Variants in ZNF185 observed in about 807,000 individuals in gnomAD.
ZNF185 encodes the protein zinc finger protein 185.
A neutral mutation model predicts 58.6 loss-of-function variants in ZNF185; 56 were observed. The ratio of observed to expected loss-of-function variants is 0.95; its 90% CI spans 0.77 to 1.19. The LOEUF (loss-of-function observed/expected upper bound fraction) is 1.19, where lower values mean the gene tolerates loss of function less well. Among genes scored for constraint, ZNF185 ranks in the 50% most tolerant of loss-of-function variants. The pLI, the probability that ZNF185 is intolerant of heterozygous loss-of-function variation, is 0.00. For synonymous variants in ZNF185, 230 were observed against 215.9 expected (o/e 1.07, Z -0.57); for missense variants, 627 against 573.5 (o/e 1.09, Z -0.95).
chrX:152,919,100 T>C lies in ZNF185; in HGVS notation c.530+19T>C. 8.6e-7 allele frequency: 1 copy of C among 1,162,575 alleles called. No homozygotes were observed. The highest frequency in any genetic ancestry group is 1.2e-6 in the Non-Finnish European group (1 of 852,624). On this transcript the variant is annotated intron_variant, in intron 7 of 22. Transcript: ENST00000449285. ...AACGGAGGTAATGGAATGGTGCCTT[T>C]TGGGCATCCCGGGGGGCAGGGCAGG...
chrX:152,941,674 G>T (rs1241476217), intron 15 of ZNF185: 10 of 1,162,583 alleles, frequency 8.6e-6, no homozygotes, highest in Admixed American at 2.6e-5. Context: ...CGGTCGCAGT[G>T]CCCGCCGGGA....
chrX:152,946,835 G>A, intron 16 of ZNF185, among the ~76,000 whole-genome samples: 1 of 111,820 alleles, frequency 8.9e-6, no homozygotes, highest in East Asian at 2.8e-4. Context: ...GAAGCACCAA[G>A]TAGGGGCTGG....
chrX:152,903,320 T>C, the ZNF185 span, among the ~76,000 whole-genome samples: 2 of 81,876 alleles, frequency 2.4e-5, no homozygotes, highest in South Asian at 7.0e-4. Context: ...ACCTGGGAGG[T>C]GGAGGTTGCA....
At chrX:152,907,907 G>T in the ZNF185 span, among the ~76,000 whole-genome samples, 4 of 113,033 alleles carry the variant, frequency 3.5e-5, no homozygotes, top group African/African-American at 1.3e-4. Flanking sequence ...AATCAAGGTA[G>T]AAATGAGGGC....
rs147430915 is a variant in ZNF185 at position 152,939,734 on chromosome X, G to A, written c.1211+1571G>A. ...CAGCCAACTCTAGAGCCAGGCTCAC[G>A]CTACTTTCCTCTGATGTTTAAACGT... is the stretch of plus-strand genomic sequence containing the variant. On this transcript the variant is annotated intron_variant, in intron 15 of 22. Transcript: ENST00000449285. 9.6e-3 allele frequency among the ~76,000 whole-genome samples: 1,031 copies of A among 106,960 alleles called. 4 individuals are homozygous for A. Among genetic ancestry groups the A allele is most frequent in the Middle Eastern group, 0.054 (11 of 204 alleles). The allele number at this position is 106,960 out of a possible 115,157, so 92.9% of individuals were successfully genotyped here.
Position 152,971,265 on chromosome X carries a change from T to A in ZNF185, c.*1-9T>A, listed in dbSNP as rs1332278918. On this transcript the variant is annotated splice_polypyrimidine_tract_variant and intron_variant, in intron 22 of 22. Transcript: ENST00000449285. ...TTCCAGTCTCATGGCTACTTCTGTT[T>A]TCTTTTAGCGACCCCCCACCGCCAG... 3.6e-5 allele frequency: 4 copies of A among 110,907 alleles called. No individual in the cohort carries two copies. The East Asian group carries it at 1.1e-3, about 32-fold the overall frequency. The allele number at this position is 110,907 out of a possible 1,213,427, so 9.1% of individuals were successfully genotyped here. A position where few individuals can be genotyped will look rare whatever the true frequency, so the allele number is the denominator to read the frequency against.
the ZNF185 span, among the ~76,000 whole-genome samples, chrX:152,903,388 C>T: frequency 2.8e-5 from 1 of 35,857 alleles, no homozygotes; most frequent in South Asian, 4.4e-3. Flanking sequence ...AGACTCGTCT[C>T]AAAAAAAAAA....
intron 14 of ZNF185, among the ~76,000 whole-genome samples, chrX:152,935,906 T>C (rs2046225166): frequency 8.9e-6 from 1 of 111,947 alleles, no homozygotes; most frequent in Non-Finnish European, 1.9e-5. Flanking sequence ...GACTCCACCC[T>C]GAGAAGGTTG....
intron 15 of ZNF185, among the ~76,000 whole-genome samples, chrX:152,943,288 G>A (rs906571418): frequency 1.4e-4 from 16 of 111,783 alleles, no homozygotes; most frequent in African/African-American, 4.9e-4. Flanking sequence ...GAACCACTAC[G>A]CCGGGACTAC....
the ZNF185 span, among the ~76,000 whole-genome samples, chrX:152,898,932 G>C: frequency 8.9e-6 from 1 of 112,525 alleles, no homozygotes; most frequent in Non-Finnish European, 1.9e-5. Flanking sequence ...AGGTGCTCCT[G>C]CCTGATCTGC....
intron 3 of ZNF185, among the ~76,000 whole-genome samples, chrX:152,915,772 G>C (rs1427139711): frequency 8.9e-6 from 1 of 112,377 alleles, no homozygotes; most frequent in Non-Finnish European, 1.9e-5. Context: ...GTGTCTAGGG[G>C]GGCTCTGAAG....
At chrX:152,922,417 C>T (rs782416567) in intron 10 of ZNF185, among the ~76,000 whole-genome samples, 161 bp downstream of exon 11, 1 of 111,949 alleles carries the variant, frequency 8.9e-6, no homozygotes, top group East Asian at 2.8e-4. Flanking sequence ...AAGAGCCCAT[C>T]TGGCTGGATG....
At chrX:152,943,306 G>A (rs1314416484) in intron 15 of ZNF185, among the ~76,000 whole-genome samples, 2 of 112,098 alleles carry the variant, frequency 1.8e-5, no homozygotes, top group South Asian at 3.7e-4. Flanking sequence ...TACAATTTCC[G>A]TTTTTTAAAA....
At chrX:152,961,988 T>C (rs1450177111) in intron 17 of ZNF185, among the ~76,000 whole-genome samples, 2 of 111,875 alleles carry the variant, frequency 1.8e-5, no homozygotes, top group African/African-American at 6.5e-5. Flanking sequence ...AACCAGGTGC[T>C]CTGATGGAGA....
chrX:152,903,799 G>A, the ZNF185 span, among the ~76,000 whole-genome samples: 3 of 111,598 alleles, frequency 2.7e-5, no homozygotes, highest in African/African-American at 6.5e-5. Flanking sequence ...GAGGAATCCC[G>A]AGGCCCCAAG....
chrX:152,937,936 T>C (rs1205557053), intron 14 of ZNF185, 138 bp from the exon 17 acceptor site: 1 of 545,737 alleles, frequency 1.8e-6, no homozygotes, highest in Non-Finnish European at 3.0e-6. Context: ...GCCACACTAA[T>C]GCCAGGACTG....
chrX:152,914,428 C>T (rs781985620), upstream of ZNF185: 285 of 1,052,275 alleles, frequency 2.7e-4, no homozygotes, highest in Non-Finnish European at 3.5e-4. Context: ...ACAGCATTTG[C>T]TTACCTTTAT....
intron 14 of ZNF185, among the ~76,000 whole-genome samples, chrX:152,935,572 C>T (rs2046190822): frequency 8.9e-6 from 1 of 112,449 alleles, no homozygotes; most frequent in South Asian, 3.7e-4. Flanking sequence ...CTCATGGCAA[C>T]AACCACTCTC....
chrX:152,926,728 G>C (rs150443041), intron 11 of ZNF185, among the ~76,000 whole-genome samples: 1 of 111,783 alleles, frequency 8.9e-6, no homozygotes, highest in Non-Finnish European at 1.9e-5. Flanking sequence ...AGCGGGTTGT[G>C]GGGGAGGAGA....
Sources: allele counts gnomAD v4.1 joint callset (sites outside exome capture counted in the v4.1 genomes callset), GRCh38; gene constraint gnomAD v4.1.1; transcripts MANE v1.5; gene names NCBI Gene and HGNC (gene_info 2026-07-23, HGNC 2026-07-21).